PDE4D: variants seen among roughly 807,000 people sequenced by gnomAD.
PDE4D encodes phosphodiesterase 4D.
PDE4D carries 24 observed loss-of-function variants against 87.4 expected under a neutral mutation model. The ratio of observed to expected loss-of-function variants is 0.27; its 90% CI spans 0.20 to 0.39. The LOEUF (loss-of-function observed/expected upper bound fraction) is 0.39, where lower values mean the gene tolerates loss of function less well. PDE4D is among the 10% of genes least tolerant of loss of function. The pLI is 1.00. For missense variants in PDE4D, 714 were observed against 1,041.0 expected (o/e 0.69, Z 4.32); for synonymous variants, 384 against 383.2 (o/e 1.00, Z -0.02).
intron 5 of PDE4D, among the ~76,000 whole-genome samples, chr5:59,151,066 T>C (rs1272689664): frequency 6.6e-6 from 1 of 152,188 alleles, no homozygotes; most frequent in Non-Finnish European, 1.5e-5. Flanking sequence ...TCCCAAAACT[T>C]CTAAACCCTA....
chr5:59,068,765 A>G (rs1341731022), intron 5 of PDE4D, among the ~76,000 whole-genome samples: 1 of 152,184 alleles, frequency 6.6e-6, no homozygotes, highest in Non-Finnish European at 1.5e-5. Flanking sequence ...TTTCAAATCT[A>G]GCTATGTACT....
intron 6 of PDE4D, among the ~76,000 whole-genome samples, chr5:59,016,722 C>A (rs1754077684): frequency 6.6e-6 from 1 of 152,072 alleles, no homozygotes; most frequent in South Asian, 2.1e-4. Context: ...AAGTAAAATT[C>A]TTATATAAAG....
At chr5:60,331,097 G>A (rs1337989638) in intron 1 of PDE4D, among the ~76,000 whole-genome samples, 1 of 152,182 alleles carries the variant, frequency 6.6e-6, no homozygotes, top group African/African-American at 2.4e-5. Context: ...CAAGGACCAG[G>A]CTAGGTTCTG....
At chr5:60,503,660 G>A (rs567289265) in intron 1 of PDE4D, among the ~76,000 whole-genome samples, 63 of 152,104 alleles carry the variant, frequency 4.1e-4, no homozygotes, top group East Asian at 5.8e-4. Context: ...CCTTTTACAC[G>A]CTCACTATTG....
intron 1 of PDE4D, among the ~76,000 whole-genome samples, chr5:59,292,826 A>G (rs1362995715): frequency 6.6e-6 from 1 of 152,162 alleles, no homozygotes; most frequent in East Asian, 1.9e-4. Context: ...TATGGACCAC[A>G]GAACCCTGGA....
chr5:59,724,131 T>C (rs550829719), intron 1 of PDE4D, among the ~76,000 whole-genome samples: 2 of 152,178 alleles, frequency 1.3e-5, no homozygotes, highest in Non-Finnish European at 2.9e-5. Flanking sequence ...GAGTCAGGTG[T>C]TGGTTGAGGT....
intron 2 of PDE4D, among the ~76,000 whole-genome samples, chr5:59,993,498 G>A (rs1763215579): frequency 6.6e-6 from 1 of 152,138 alleles, no homozygotes; most frequent in Admixed American, 6.5e-5. Context: ...ACAATGTTGA[G>A]TGGGAAGAAC....
chr5:59,572,864 T>C (rs972472407), intron 1 of PDE4D, among the ~76,000 whole-genome samples: 4 of 152,026 alleles, frequency 2.6e-5, no homozygotes, highest in African/African-American at 7.2e-5. Context: ...CAGAAATCCA[T>C]AGGGGAAAAA....
chr5:59,893,966 G>A (rs564871627), upstream of PDE4D, among the ~76,000 whole-genome samples: 1 of 152,226 alleles, frequency 6.6e-6, no homozygotes, highest in African/African-American at 2.4e-5. Flanking sequence ...TTGGGCGCCG[G>A]CGGCGAGAGC....
intron 3 of PDE4D, among the ~76,000 whole-genome samples, chr5:59,899,637 G>A (rs751156986): frequency 3.3e-5 from 5 of 152,090 alleles, no homozygotes; most frequent in Non-Finnish European, 7.4e-5. Context: ...GTTGGAGTGT[G>A]ATGTTTGGGA....
intron 1 of PDE4D, among the ~76,000 whole-genome samples, chr5:59,843,301 T>G (rs1743319000): frequency 6.6e-6 from 1 of 151,996 alleles, no homozygotes; most frequent in South Asian, 2.1e-4. Flanking sequence ...AGTGGCCAAC[T>G]CTGACATTTT....
intron 1 of PDE4D, among the ~76,000 whole-genome samples, chr5:59,740,324 T>C (rs1185682898): frequency 6.6e-6 from 1 of 152,224 alleles, no homozygotes; most frequent in Non-Finnish European, 1.5e-5. Context: ...ACTTTCTTGA[T>C]GACCTGGAAC....
At chr5:59,134,461 T>TGA (rs929457795) in intron 5 of PDE4D, among the ~76,000 whole-genome samples, 23 of 152,146 alleles carry the variant, frequency 1.5e-4, no homozygotes, top group Non-Finnish European at 1.8e-4. Flanking sequence ...TGCTATTTTA[T>TGA]GAGAGAGAGA....
chr5:60,023,229 A>G (rs1766267313), intron 2 of PDE4D, among the ~76,000 whole-genome samples: 1 of 152,226 alleles, frequency 6.6e-6, no homozygotes, highest in Non-Finnish European at 1.5e-5. Context: ...CATAATAAGC[A>G]GTCAAATAAT....
Position 60,133,704 on chromosome 5 carries a change from T to A in PDE4D, c.42+51853A>T, listed in dbSNP as rs181560247. Among the ~76,000 whole-genome samples, 285 of 152,318 alleles carry A rather than the reference T, an allele frequency of 1.9e-3. 1 individual carries two copies. The highest frequency in any genetic ancestry group is 2.6e-3 in the Non-Finnish European group (180 of 68,020). ...CTGGACGTTTCCATTAACAGGTAGATCACTACTTTGTGAGAAAATCCTTTC... is the reference window on the plus strand; with the variant it reads ...CTGGACGTTTCCATTAACAGGTAGAACACTACTTTGTGAGAAAATCCTTTC... On this transcript the variant is annotated intron_variant, in intron 2 of 16. Coordinates refer to the PDE4D transcript ENST00000502484.
chr5:60,366,080 C>T (rs1450566218), intron 1 of PDE4D, among the ~76,000 whole-genome samples: 2 of 150,616 alleles, frequency 1.3e-5, no homozygotes, highest in Non-Finnish European at 3.0e-5. Flanking sequence ...ATTTCCAGAA[C>T]TCTAAATCCC....
At chr5:59,587,482 G>A in intron 1 of PDE4D, 2 of 985,382 alleles carry the variant, frequency 2.0e-6, no homozygotes, top group Non-Finnish European at 2.4e-6. Context: ...AATGGCAACA[G>A]GCTCCTGCTG....
chr5:59,481,354 G>A (rs1306390090), intron 1 of PDE4D, among the ~76,000 whole-genome samples: 4 of 150,410 alleles, frequency 2.7e-5, no homozygotes, highest in Admixed American at 6.6e-5. Flanking sequence ...ATAGACTGGG[G>A]AGTAATACAA....
rs749772318 is a variant in PDE4D at position 60,252,399 on chromosome 5, C to CTTT, written c.-89-66715_-89-66713dup. 2.3e-3 allele frequency among the ~76,000 whole-genome samples: 311 copies of CTTT among 137,390 alleles called. 6 individuals carry two copies. Among genetic ancestry groups the CTTT allele is most frequent in the Admixed American group, 4.8e-3 (66 of 13,806 alleles). The allele number at this position is 137,390 out of a possible 152,430, so 90.1% of individuals were successfully genotyped here. A position where few individuals can be genotyped will look rare whatever the true frequency, so the allele number is the denominator to read the frequency against. On this transcript the variant is annotated intron_variant, in intron 1 of 16. Coordinates refer to the PDE4D transcript ENST00000502484. Reference sequence around the variant, plus strand: ...CAAAATTTCACAGCACACTTTTTTACTTTTTTTTTTTTTTTTGGTCAAACA... The same window carrying CTTT: ...CAAAATTTCACAGCACACTTTTTTACTTTTTTTTTTTTTTTTTTTGGTCAAACA...
Sources: allele counts gnomAD v4.1 joint callset (sites outside exome capture counted in the v4.1 genomes callset), GRCh38; gene constraint gnomAD v4.1.1; transcripts MANE v1.5; gene names NCBI Gene and HGNC (gene_info 2026-07-23, HGNC 2026-07-21).